Variants in MRTFB observed in about 807,000 individuals in gnomAD.
MRTFB encodes myocardin related transcription factor B, also known as myocardin-related transcription factor B.
In MRTFB, 29 loss-of-function variants were observed where a neutral mutation model predicts 104.2. That is an observed-to-expected ratio of 0.28 (90% confidence interval 0.21 to 0.38). The LOEUF (loss-of-function observed/expected upper bound fraction) is 0.38. Ranked by LOEUF, MRTFB falls within the 10% of genes least tolerant of loss-of-function variation. The pLI, the probability that MRTFB is intolerant of heterozygous loss-of-function variation, is 1.00. For synonymous variants in MRTFB, 535 were observed against 519.5 expected, an observed-to-expected ratio of 1.03 and a Z score of -0.41; for missense variants, 1,270 against 1,341.6, an observed-to-expected ratio of 0.95 and a Z score of 0.83.
chr16:14,217,865 T>C (rs1258051989), intron 7 of MRTFB, among the ~76,000 whole-genome samples: 1 of 152,188 alleles, frequency 6.6e-6, no homozygotes, highest in Non-Finnish European at 1.5e-5. Flanking sequence ...AGAATGGTAG[T>C]ATCTCTCTGT....
chr16:14,011,865 C>G, the MRTFB span, among the ~76,000 whole-genome samples: 1 of 152,128 alleles, frequency 6.6e-6, no homozygotes, highest in Non-Finnish European at 1.5e-5. Context: ...GAGTGAGACT[C>G]CGTCTCACAA....
intron 2 of MRTFB, among the ~76,000 whole-genome samples, chr16:14,087,773 T>C (rs1264240703): frequency 6.6e-6 from 1 of 152,232 alleles, no homozygotes; most frequent in East Asian, 1.9e-4. Flanking sequence ...TCTGGAGTAC[T>C]TGAAACCATC....
At chr16:14,180,780 G>A (rs2039741213) in intron 3 of MRTFB, among the ~76,000 whole-genome samples, 1 of 152,188 alleles carries the variant, frequency 6.6e-6, no homozygotes, top group African/African-American at 2.4e-5. Context: ...TGTCCTCAGA[G>A]AGGGTGAAGC....
chr16:14,041,317 G>A, the MRTFB span, among the ~76,000 whole-genome samples: 1 of 152,168 alleles, frequency 6.6e-6, no homozygotes, highest in Non-Finnish European at 1.5e-5. Context: ...AAAACTGAAA[G>A]TCTATACAAA....
At chr16:14,190,517 T>C (rs2040132723) in intron 3 of MRTFB, among the ~76,000 whole-genome samples, 1 of 152,212 alleles carries the variant, frequency 6.6e-6, no homozygotes, top group Non-Finnish European at 1.5e-5. Context: ...ATTCTAATGC[T>C]ACTAGCTAGT....
At chr16:14,117,136 A>G (rs2036581551) in intron 2 of MRTFB, among the ~76,000 whole-genome samples, 1 of 152,236 alleles carries the variant, frequency 6.6e-6, no homozygotes, top group Non-Finnish European at 1.5e-5. Flanking sequence ...CCTTTGGGCC[A>G]TCCCCCAAGG....
At chr16:14,018,497 A>C in the MRTFB span, among the ~76,000 whole-genome samples, 14 of 152,342 alleles carry the variant, frequency 9.2e-5, no homozygotes, top group South Asian at 2.5e-3. Flanking sequence ...GCTCACAGAT[A>C]TATCTTCTGG....
At chr16:14,166,212 C>CTT (rs1195479290) in intron 3 of MRTFB, among the ~76,000 whole-genome samples, 10 of 97,518 alleles carry the variant, frequency 1.0e-4, no homozygotes, top group African/African-American at 4.0e-4. Context: ...TGTGGGTTTT[C>CTT]TTTTCTTTTT....
Position 14,128,941 on chromosome 16 carries a change from A to T in MRTFB, c.-63-11603A>T, listed in dbSNP as rs568990754. Among the ~76,000 whole-genome samples, 54 of 152,336 alleles carry T rather than the reference A, an allele frequency of 3.5e-4. 1 individual carries two copies. The highest frequency in any genetic ancestry group is 1.3e-3 in the African/African-American group (52 of 41,580). ...ATCACCCAAAAATCTCCTTGTTATC[A>T]GCTCCACTCCTGGCAGCCACTACTC... On this transcript the variant is annotated intron_variant, in intron 2 of 16. Transcript: ENST00000571589.
the MRTFB span, chr16:14,013,339 G>A: frequency 6.6e-6 from 1 of 152,170 alleles, no homozygotes; most frequent in Admixed American, 6.6e-5. Flanking sequence ...TAATCTTTTA[G>A]AATCTAACTT....
chr16:14,178,686 A>G (rs1399751887), intron 3 of MRTFB, among the ~76,000 whole-genome samples: 1 of 152,172 alleles, frequency 6.6e-6, no homozygotes, highest in East Asian at 1.9e-4. Flanking sequence ...AGACCTTTTA[A>G]AAACAGTTTG....
chr16:14,025,344 C>G, the MRTFB span, among the ~76,000 whole-genome samples: 7 of 152,160 alleles, frequency 4.6e-5, no homozygotes, highest in African/African-American at 1.4e-4. Flanking sequence ...CCAAGTGCAG[C>G]TATCAATTTT....
At chr16:14,068,640 T>C (rs1439898697), upstream of MRTFB, among the ~76,000 whole-genome samples, 1 of 152,206 alleles carries the variant, frequency 6.6e-6, no homozygotes. Flanking sequence ...TCACCTCTTA[T>C]GTTCCTGGTT....
chr16:14,202,624 AGT>A (rs2040757353), intron 3 of MRTFB, among the ~76,000 whole-genome samples: 1 of 152,258 alleles, frequency 6.6e-6, no homozygotes, highest in Non-Finnish European at 1.5e-5. Flanking sequence ...ATTTTCACCA[AGT>A]GTCTAATGTA....
intron 8 of MRTFB, 90 bp downstream of exon 8, chr16:14,219,088 A>T (rs1473199258): frequency 8.0e-7 from 1 of 1,246,992 alleles, no homozygotes; most frequent in Non-Finnish European, 1.0e-6. Flanking sequence ...CCAGAAGAAA[A>T]TTCTGAATTG....
At chr16:14,079,382 C>T (rs2034262438) in intron 2 of MRTFB, 28 bp downstream of exon 2, 1 of 345,194 alleles carries the variant, frequency 2.9e-6, no homozygotes, top group African/African-American at 2.1e-5. Context: ...TTTTTTTTAA[C>T]AAAGAAACTG....
At chr16:14,223,377 C>A (rs527807549) in intron 8 of MRTFB, among the ~76,000 whole-genome samples, 1 of 152,100 alleles carries the variant, frequency 6.6e-6, no homozygotes, top group South Asian at 2.1e-4. Flanking sequence ...CAGAAACTAT[C>A]TTAGAAGAAA....
chr16:14,031,918 T>C, the MRTFB span, among the ~76,000 whole-genome samples: 2 of 152,164 alleles, frequency 1.3e-5, no homozygotes, highest in African/African-American at 4.8e-5. Context: ...TGCGATTCTC[T>C]TGCCTCAGCC....
At chr16:14,242,498 T>C (rs2042817014) in intron 10 of MRTFB, among the ~76,000 whole-genome samples, 1 of 152,218 alleles carries the variant, frequency 6.6e-6, no homozygotes, top group Non-Finnish European at 1.5e-5. Flanking sequence ...ACGCATTGTT[T>C]ATATTTATCA....
Sources: gnomAD v4.1 joint callset for allele counts (sites outside exome capture counted in the v4.1 genomes callset) on GRCh38, gnomAD v4.1.1 for gene constraint, MANE v1.5 for transcripts, NCBI Gene and HGNC (gene_info 2026-07-23, HGNC 2026-07-21) for gene names.